The following UBE2E2 variants were observed in gnomAD, a reference collection of about 807,000 sequenced individuals.
UBE2E2 encodes the protein ubiquitin conjugating enzyme E2 E2.
Under a neutral mutation model 24.7 loss-of-function variants are expected in UBE2E2, and 6 were observed. The observed-to-expected ratio is 0.24, with a 90% CI of 0.13 to 0.48. The LOEUF (loss-of-function observed/expected upper bound fraction) is 0.48. UBE2E2 is among the 20% of genes least tolerant of loss of function. UBE2E2 has a pLI of 0.99. For missense variants in UBE2E2, 169 were observed against 245.0 expected, an observed-to-expected ratio of 0.69 and a Z score of 2.07; for synonymous variants, 104 against 83.6, an observed-to-expected ratio of 1.24 and a Z score of -1.33.
chr3:23,341,957 A>C (rs2125310615), intron 3 of UBE2E2, among the ~76,000 whole-genome samples: 1 of 152,320 alleles, frequency 6.6e-6, no homozygotes, highest in African/African-American at 2.4e-5. Context: ...GTTCCATATA[A>C]CAAAACTAAT....
At chr3:23,301,301 G>C (rs550713695) in intron 3 of UBE2E2, among the ~76,000 whole-genome samples, 367 of 152,208 alleles carry the variant, frequency 2.4e-3, no homozygotes, top group Admixed American at 4.1e-3. Flanking sequence ...GTCATTCTCC[G>C]TCCAGCTTTG....
intron 5 of UBE2E2, among the ~76,000 whole-genome samples, chr3:23,553,000 T>C (rs1343747704): frequency 6.6e-6 from 1 of 152,204 alleles, no homozygotes; most frequent in African/African-American, 2.4e-5. Context: ...TAAGTTTTGA[T>C]AAACCCTTTC....
intron 3 of UBE2E2, among the ~76,000 whole-genome samples, chr3:23,279,551 A>G (rs1307421390): frequency 3.3e-5 from 5 of 152,128 alleles, no homozygotes; most frequent in African/African-American, 1.2e-4. Context: ...ATGAGGAGGA[A>G]TTTGGTTCTT....
At chr3:23,435,887 A>G (rs1364580076) in intron 3 of UBE2E2, among the ~76,000 whole-genome samples, 1 of 152,152 alleles carries the variant, frequency 6.6e-6, no homozygotes, top group Non-Finnish European at 1.5e-5. Flanking sequence ...TGTGGAAGAC[A>G]GTTATTCCAC....
At position 23,217,312 on chromosome 3, in the gene UBE2E2, G is replaced by A. The variant is rs1696502364; in HGVS notation, c.227G>A (p.Ser76Asn). The change falls in exon 3 of 6, where the codon AGT becomes AAT. Residue 76 changes from serine (S) to asparagine (N), a missense_variant and splice_region_variant. Physicochemically the swap from Ser to Asn is conservative, Grantham distance 46. Around this residue, in one of 2 missense-constraint regions of UBE2E2, gnomAD observed 105 missense variants for 180.7 expected, o/e 0.58. Transcript: ENST00000396703. ...ACATTGGACCCTCCTCCCAACTGTA[G>A]GTAAGTACTCATGGTTTTTTATTTA... ...EITLDPPPNC[S>N]AGPKGDNIYE... 1 of 1,612,374 alleles carries A rather than the reference G, an allele frequency of 6.2e-7. No individual in the cohort carries two copies. The highest frequency in any genetic ancestry group is 1.3e-5 in the African/African-American group (1 of 74,848).
chr3:23,224,016 T>TA (rs1339414593), intron 3 of UBE2E2, among the ~76,000 whole-genome samples: 1 of 152,208 alleles, frequency 6.6e-6, no homozygotes, highest in Non-Finnish European at 1.5e-5. Context: ...TGTCTGTTTT[T>TA]ATGCCAGTAC....
At chr3:23,291,117 A>G (rs1698755415) in intron 3 of UBE2E2, among the ~76,000 whole-genome samples, 1 of 151,086 alleles carries the variant, frequency 6.6e-6, no homozygotes, top group African/African-American at 2.4e-5. Context: ...TCTAGCCTAT[A>G]GAATATCTTT....
At chr3:23,453,946 C>T (rs780741685) in intron 3 of UBE2E2, among the ~76,000 whole-genome samples, 6 of 152,080 alleles carry the variant, frequency 3.9e-5, no homozygotes, top group Non-Finnish European at 7.4e-5. Context: ...AGAATGTCTG[C>T]TATAAAATAA....
chr3:23,296,865 A>G (rs1290271586), intron 3 of UBE2E2, among the ~76,000 whole-genome samples: 1 of 152,180 alleles, frequency 6.6e-6, no homozygotes, highest in African/African-American at 2.4e-5. Context: ...CTAGTTCTAG[A>G]TCCCTGAGGA....
intron 4 of UBE2E2, among the ~76,000 whole-genome samples, chr3:23,514,159 T>C (rs1459517513): frequency 1.3e-5 from 2 of 152,242 alleles, no homozygotes; most frequent in African/African-American, 4.8e-5. Flanking sequence ...ACATGTTTGA[T>C]CCAGTTCTTC....
At chr3:23,234,200 C>CTT (rs71051204) in intron 3 of UBE2E2, among the ~76,000 whole-genome samples, 5 of 144,136 alleles carry the variant, frequency 3.5e-5, no homozygotes, top group East Asian at 2.0e-4. Flanking sequence ...TCTCTGTGCC[C>CTT]TTTTTTTTTT....
intron 3 of UBE2E2, chr3:23,389,960 A>G (rs1696894421): frequency 6.6e-6 from 1 of 152,436 alleles, no homozygotes. Flanking sequence ...GTTCATTGCA[A>G]CCTGGAACTG....
chr3:23,412,747 C>G (rs1697522698), intron 3 of UBE2E2, among the ~76,000 whole-genome samples: 1 of 152,044 alleles, frequency 6.6e-6, no homozygotes, highest in Non-Finnish European at 1.5e-5. Flanking sequence ...GTTTAAGGAC[C>G]CCAGCATCAC....
At chr3:23,485,408 T>A (rs1423711553) in intron 3 of UBE2E2, among the ~76,000 whole-genome samples, 1 of 152,168 alleles carries the variant, frequency 6.6e-6, no homozygotes, top group Non-Finnish European at 1.5e-5. Context: ...CAACACTACC[T>A]CTTGTTGGCA....
intron 3 of UBE2E2, among the ~76,000 whole-genome samples, chr3:23,321,204 G>C (rs556620943): frequency 2.0e-5 from 3 of 152,268 alleles, no homozygotes; most frequent in Admixed American, 6.5e-5. Flanking sequence ...AGTCATACTG[G>C]TTTAGGGTCG....
At chr3:23,439,916 A>T (rs1388727785) in intron 3 of UBE2E2, among the ~76,000 whole-genome samples, 1 of 152,076 alleles carries the variant, frequency 6.6e-6, no homozygotes, top group Non-Finnish European at 1.5e-5. Context: ...CTATCAGTGA[A>T]GCCAGAGAAG....
intron 3 of UBE2E2, among the ~76,000 whole-genome samples, chr3:23,220,044 TG>T (rs1457540439): frequency 6.6e-6 from 1 of 152,202 alleles, no homozygotes; most frequent in Non-Finnish European, 1.5e-5. Flanking sequence ...AGGAACTGTA[TG>T]TGTTTAAGCG....
chr3:23,228,200 T>C (rs1249780857), intron 3 of UBE2E2, among the ~76,000 whole-genome samples: 1 of 152,206 alleles, frequency 6.6e-6, no homozygotes, highest in Non-Finnish European at 1.5e-5. Context: ...AAAGAAAATG[T>C]TGAATGGTAA....
intron 3 of UBE2E2, among the ~76,000 whole-genome samples, chr3:23,310,153 C>T (rs1011267956): frequency 6.6e-6 from 1 of 152,078 alleles, no homozygotes; most frequent in Non-Finnish European, 1.5e-5. Flanking sequence ...AACACCTTTC[C>T]TTTCCAGATA....
Sources: gnomAD v4.1 joint callset for allele counts (sites outside exome capture counted in the v4.1 genomes callset) on GRCh38, gnomAD v4.1.1 for gene constraint, gnomAD v4.1.1 regional missense constraint, MANE v1.5 for transcripts, NCBI Gene and HGNC (gene_info 2026-07-23, HGNC 2026-07-21) for gene names.